Variants in GRID1 observed in about 807,000 individuals in gnomAD.
GRID1 encodes glutamate ionotropic receptor delta type subunit 1.
GRID1 carries 28 observed loss-of-function variants against 98.0 expected under a neutral mutation model. The observed-to-expected ratio is 0.29, with a 90% CI of 0.21 to 0.39. GRID1 has a LOEUF of 0.39. Ranked by LOEUF, GRID1 falls within the 10% of genes least tolerant of loss-of-function variation. GRID1 has a pLI of 1.00. For synonymous variants in GRID1, 553 were observed against 538.5 expected, an observed-to-expected ratio of 1.03 and a Z score of -0.37; for missense variants, 1,111 against 1,340.5, an observed-to-expected ratio of 0.83 and a Z score of 2.67.
At chr10:85,935,646 CCAATTGCATAG>C (rs1841916643) in intron 4 of GRID1, among the ~76,000 whole-genome samples, 1 of 152,194 alleles carries the variant, frequency 6.6e-6, no homozygotes, top group South Asian at 2.1e-4. Context: ...ATCATCATAG[CCAATTGCATAG>C]CAATTTCTAT....
rs1232141214 is a variant in GRID1 at position 86,192,922 on chromosome 10, G to A, written c.520+13442C>T. On this transcript the variant is annotated intron_variant, in intron 3 of 15. Coordinates refer to ENST00000327946, the MANE Select transcript of GRID1 (RefSeq NM_017551.3). This position sits in a 1 kb window ranked among gnomAD's most constrained non-coding sequence, Gnocchi z 4.8. ...CAGGCCTAAGGCTCCACTGTGTGTG[G>A]GTCCCTCTGCAAACAGAATGTGTGA... Among the ~76,000 whole-genome samples, 6 of 152,116 alleles carry A rather than the reference G, an allele frequency of 3.9e-5. No homozygotes were observed. The highest frequency in any genetic ancestry group is 3.3e-4 in the Admixed American group (5 of 15,282).
chr10:85,868,708 C>T (rs1843246756), intron 6 of GRID1, among the ~76,000 whole-genome samples: 1 of 152,194 alleles, frequency 6.6e-6, no homozygotes, highest in South Asian at 2.1e-4. Context: ...TGAACACATT[C>T]CCACAAAGAA....
intron 8 of GRID1, among the ~76,000 whole-genome samples, chr10:85,841,489 C>T (rs1842960982): frequency 6.6e-6 from 1 of 152,040 alleles, no homozygotes. Context: ...CAAATGGGAT[C>T]TAATTAAACT....
chr10:86,342,946 C>A (rs921194619), intron 2 of GRID1, among the ~76,000 whole-genome samples: 6 of 152,258 alleles, frequency 3.9e-5, no homozygotes, highest in African/African-American at 1.4e-4. Context: ...AGGCCAGGGC[C>A]AGTCCACAGT....
chr10:85,683,606 T>TA, intron 12 of GRID1, among the ~76,000 whole-genome samples: 1 of 152,334 alleles, frequency 6.6e-6, no homozygotes, highest in African/African-American at 2.4e-5. Context: ...GAAATCCTTG[T>TA]AACTTTAGCT....
chr10:86,305,681 G>A (rs981039222), intron 2 of GRID1, among the ~76,000 whole-genome samples: 5 of 152,180 alleles, frequency 3.3e-5, no homozygotes, highest in African/African-American at 1.2e-4. Context: ...AGGAACAACA[G>A]GAACTGGGGA....
intron 12 of GRID1, 88 bp from the exon 13 acceptor site, chr10:85,647,485 C>G (rs1843210891): frequency 2.0e-6 from 2 of 1,018,014 alleles, no homozygotes; most frequent in Non-Finnish European, 3.0e-6. Context: ...CCCTTCTGAA[C>G]TCCAAGCCCG....
chr10:85,888,022 A>G (rs1013327578), intron 5 of GRID1, among the ~76,000 whole-genome samples: 9 of 152,062 alleles, frequency 5.9e-5, no homozygotes, highest in African/African-American at 2.2e-4. Context: ...CCCAATTTTC[A>G]ATTAGCTCTT....
intron 8 of GRID1, among the ~76,000 whole-genome samples, chr10:85,816,757 A>G (rs1842720123): frequency 1.3e-5 from 2 of 152,198 alleles, no homozygotes; most frequent in Admixed American, 6.5e-5. Context: ...TTATATAGGT[A>G]AACTGTGTGT....
intron 8 of GRID1, among the ~76,000 whole-genome samples, chr10:85,845,391 T>C (rs1842996229): frequency 6.6e-6 from 1 of 152,162 alleles, no homozygotes; most frequent in Admixed American, 6.5e-5. Context: ...AAAACTTTAC[T>C]GAGAGAAATT....
At chr10:86,048,276 C>T (rs567500890) in intron 4 of GRID1, among the ~76,000 whole-genome samples, 2 of 152,168 alleles carry the variant, frequency 1.3e-5, no homozygotes, top group South Asian at 2.1e-4. Context: ...CTTCTTTGAC[C>T]TCTAGAGGAT....
intron 4 of GRID1, among the ~76,000 whole-genome samples, chr10:86,111,723 T>C (rs1844487572): frequency 6.6e-6 from 1 of 152,216 alleles, no homozygotes; most frequent in Non-Finnish European, 1.5e-5. Flanking sequence ...TGTTCACAGC[T>C]TCCCAGGCTA....
At position 86,151,274 on chromosome 10, in the gene GRID1, A is replaced by G. The variant is rs951252677; in HGVS notation, c.521-12250T>C. ...TGCAATGCTGAGGTAGGTGCCTGGC[A>G]CACACATTTCCTCTGAGCCTGAGCA... On this transcript the variant is annotated intron_variant, in intron 3 of 15. Coordinates refer to ENST00000327946, the MANE Select transcript of GRID1 (RefSeq NM_017551.3). 2.6e-5 allele frequency among the ~76,000 whole-genome samples: 4 copies of G among 152,176 alleles called. No homozygotes were observed. In the East Asian group the frequency reaches 5.8e-4, roughly 22 times the overall value.
At chr10:86,293,990 A>G (rs1847552097) in intron 2 of GRID1, among the ~76,000 whole-genome samples, 1 of 152,238 alleles carries the variant, frequency 6.6e-6, no homozygotes, top group African/African-American at 2.4e-5. Context: ...AAGTCAATTC[A>G]AAAATATGGC....
chr10:86,099,070 G>A (rs1844259008), intron 4 of GRID1, among the ~76,000 whole-genome samples: 1 of 152,168 alleles, frequency 6.6e-6, no homozygotes, highest in Non-Finnish European at 1.5e-5. Flanking sequence ...AGAAAGCAAA[G>A]GTCCAAAGTG....
intron 12 of GRID1, among the ~76,000 whole-genome samples, chr10:85,720,339 TA>T (rs1188983777): frequency 6.6e-6 from 1 of 152,084 alleles, no homozygotes; most frequent in Admixed American, 6.5e-5. Context: ...AAAATTTATA[TA>T]TATAGATGCA....
chr10:85,913,425 C>T (rs939778357), intron 5 of GRID1, among the ~76,000 whole-genome samples: 2 of 152,220 alleles, frequency 1.3e-5, no homozygotes, highest in African/African-American at 2.4e-5. Flanking sequence ...AACCGCCACA[C>T]AGGGCTGTTG....
At chr10:86,031,868 T>C (rs1843190308) in intron 4 of GRID1, among the ~76,000 whole-genome samples, 1 of 152,234 alleles carries the variant, frequency 6.6e-6, no homozygotes. Context: ...AATACACCCC[T>C]GCTCAGAGTC....
At chr10:85,629,367 T>C (rs920397028) in intron 13 of GRID1, among the ~76,000 whole-genome samples, 2 of 152,126 alleles carry the variant, frequency 1.3e-5, no homozygotes, top group Non-Finnish European at 2.9e-5. Context: ...TAATTTCTCA[T>C]CCCTTACCCC....
Sources: gnomAD v4.1 joint callset for allele counts (sites outside exome capture counted in the v4.1 genomes callset) on GRCh38, gnomAD v4.1.1 for gene constraint, Gnocchi (gnomAD v3.1) non-coding constraint, MANE v1.5 for transcripts, NCBI Gene and HGNC (gene_info 2026-07-23, HGNC 2026-07-21) for gene names.